PCDH15: variants seen among roughly 807,000 people sequenced by gnomAD.
The protein encoded by PCDH15 is protocadherin related 15, also known as protocadherin-15.
A neutral mutation model predicts 178.5 loss-of-function variants in PCDH15; 129 were observed. The observed-to-expected ratio is 0.72, with a 90% CI of 0.63 to 0.84. The LOEUF (loss-of-function observed/expected upper bound fraction) is 0.84, where lower values mean the gene tolerates loss of function less well. Among genes scored for constraint, PCDH15 ranks in the 40% least tolerant of loss-of-function variants. PCDH15 has a pLI of 0.00. For missense variants in PCDH15, 2,230 were observed against 2,099.9 expected, an observed-to-expected ratio of 1.06 and a Z score of -1.21; for synonymous variants, 800 against 732.0, an observed-to-expected ratio of 1.09 and a Z score of -1.50.
intron 3 of PCDH15, among the ~76,000 whole-genome samples, chr10:54,412,332 G>T (rs2135658970): frequency 6.6e-6 from 1 of 151,736 alleles, no homozygotes; most frequent in South Asian, 2.1e-4. Context: ...TTGTATGTTT[G>T]CTTGAATATT....
chr10:54,825,058 G>A (rs1305995236), intron 3 of PCDH15, among the ~76,000 whole-genome samples: 1 of 151,776 alleles, frequency 6.6e-6, no homozygotes, highest in Non-Finnish European at 1.5e-5. Context: ...TGTGTGTGAT[G>A]TTCCCCTTCC....
chr10:54,961,768 C>G (rs149402538), intron 2 of PCDH15, among the ~76,000 whole-genome samples: 60 of 151,898 alleles, frequency 4.0e-4, no homozygotes, highest in African/African-American at 1.2e-3. Flanking sequence ...TAATCACTTT[C>G]GGTCTCCTCT....
intron 2 of PCDH15, among the ~76,000 whole-genome samples, chr10:55,133,011 T>C (rs1172752844): frequency 1.3e-5 from 2 of 152,206 alleles, no homozygotes; most frequent in South Asian, 2.1e-4. Flanking sequence ...GTAAAATCTT[T>C]TGCCACTCTT....
At chr10:54,661,562 C>T (rs778630837) in intron 2 of PCDH15, among the ~76,000 whole-genome samples, 1 of 151,766 alleles carries the variant, frequency 6.6e-6, no homozygotes, top group East Asian at 1.9e-4. Context: ...TTCTAAAATA[C>T]ATATGGAACC....
chr10:54,826,392 T>C (rs1953132752), intron 3 of PCDH15, among the ~76,000 whole-genome samples: 1 of 151,904 alleles, frequency 6.6e-6, no homozygotes, highest in Admixed American at 6.6e-5. Flanking sequence ...AAATGGTAGA[T>C]GTGTGAGGAG....
intron 25 of PCDH15, among the ~76,000 whole-genome samples, chr10:53,937,098 C>T (rs2085645634): frequency 6.6e-6 from 1 of 152,122 alleles, no homozygotes; most frequent in Admixed American, 6.5e-5. Flanking sequence ...GAATTGGTTT[C>T]ACCTCTACAT....
chr10:54,448,326 G>T (rs528619343), intron 3 of PCDH15, among the ~76,000 whole-genome samples: 55 of 151,760 alleles, frequency 3.6e-4, no homozygotes, highest in Admixed American at 9.2e-4. Context: ...TCAGAGGAAG[G>T]AAGAGAAGAA....
chr10:55,485,540 CT>C (rs769901036), intron 2 of PCDH15, among the ~76,000 whole-genome samples: 16 of 151,734 alleles, frequency 1.1e-4, no homozygotes, highest in Admixed American at 4.6e-4. Context: ...GAAAGGAAAG[CT>C]CTTGGGAATG....
chr10:54,697,682 A>AAGGGGAAGG lies in PCDH15; in HGVS notation c.-28-33393_-28-33392insCCTTCCCCT, dbSNP rs1467281737. 1.9e-4 allele frequency among the ~76,000 whole-genome samples: 17 copies of AAGGGGAAGG among 87,958 alleles called. 1 individual carries two copies. The highest frequency in any genetic ancestry group is 8.8e-4 in the African/African-American group (17 of 19,270). 57.7% of individuals were successfully genotyped at this position (87,958 alleles called of 152,430 possible). On this transcript the variant is annotated intron_variant, in intron 1 of 37. Coordinates refer to ENST00000644397, the MANE Select transcript of PCDH15 (RefSeq NM_001384140.1). The stretch of plus-strand genomic sequence containing the variant: ...GAAGGGGAAGGGGGAAGGGGAAGGG[A>AAGGGGAAGG]GGAAGGGAGGAAGGGAGGAAGGGAG...
At chr10:55,147,036 A>T (rs1838534371) in intron 2 of PCDH15, among the ~76,000 whole-genome samples, 1 of 151,774 alleles carries the variant, frequency 6.6e-6, no homozygotes, top group Non-Finnish European at 1.5e-5. Context: ...TAAAACAAGA[A>T]CAATTACCAA....
rs368212815 is a variant in PCDH15 at position 54,852,855 on chromosome 10, AAAAATAAAAT to A, written c.-29+44585_-29+44594del. 2.0e-3 allele frequency among the ~76,000 whole-genome samples: 291 copies of A among 147,334 alleles called. 1 individual carries two copies. Among genetic ancestry groups the A allele is most frequent in the African/African-American group, 5.5e-3 (219 of 39,970 alleles). ...GCAACAGACTGAGACTCTGTCTCAA[AAAAATAAAAT>A]AAAATAAAATAAAATAAAATAAATT... is the stretch of plus-strand genomic sequence containing the variant. On this transcript the variant is annotated intron_variant, in intron 3 of 5. Transcript: ENST00000458638.
At chr10:54,429,303 T>C (rs183074679) in intron 3 of PCDH15, among the ~76,000 whole-genome samples, 1 of 152,218 alleles carries the variant, frequency 6.6e-6, no homozygotes, top group Admixed American at 6.5e-5. Flanking sequence ...TTGCAAGCAT[T>C]GTGGTAACCT....
chr10:54,901,605 A>AT (rs933220211), intron 2 of PCDH15, among the ~76,000 whole-genome samples: 5 of 152,064 alleles, frequency 3.3e-5, no homozygotes, highest in African/African-American at 1.2e-4. Flanking sequence ...AATAAATGTC[A>AT]TTTTTTTCTA....
intron 1 of PCDH15, among the ~76,000 whole-genome samples, chr10:55,254,304 G>A (rs957571335): frequency 1.3e-5 from 2 of 152,136 alleles, no homozygotes; most frequent in African/African-American, 4.8e-5. Context: ...GATTTTCTAT[G>A]TGGTTATGGT....
chr10:54,894,069 A>G (rs894017168), intron 3 of PCDH15, among the ~76,000 whole-genome samples: 1 of 152,146 alleles, frequency 6.6e-6, no homozygotes. Flanking sequence ...AAGCAGGTAC[A>G]TATGACATGA....
intron 2 of PCDH15, among the ~76,000 whole-genome samples, chr10:54,989,319 G>A (rs924641612): frequency 6.6e-6 from 1 of 152,186 alleles, no homozygotes; most frequent in Non-Finnish European, 1.5e-5. Context: ...TTATGGAGCT[G>A]TGAGAAGAGG....
chr10:55,489,525 C>A (rs1227820774), intron 2 of PCDH15, among the ~76,000 whole-genome samples: 1 of 151,654 alleles, frequency 6.6e-6, no homozygotes, highest in Non-Finnish European at 1.5e-5. Context: ...CCCACTGTTA[C>A]CCCATGAATA....
chr10:53,822,496 C>CAGAAGGAGAGATGT, intron 32 of PCDH15: 1 of 1,611,526 alleles, frequency 6.2e-7, no homozygotes, highest in African/African-American at 1.3e-5. Flanking sequence ...AGGGGACAGG[C>CAGAAGGAGAGATGT]AGAAGGAGAG....
chr10:54,904,108 T>G (rs1472926666), intron 2 of PCDH15, among the ~76,000 whole-genome samples: 1 of 152,072 alleles, frequency 6.6e-6, no homozygotes, highest in Non-Finnish European at 1.5e-5. Flanking sequence ...TGAAACAATA[T>G]CATGCTGTGA....
Sources: allele counts gnomAD v4.1 joint callset (sites outside exome capture counted in the v4.1 genomes callset), GRCh38; gene constraint gnomAD v4.1.1; transcripts MANE v1.5; gene names NCBI Gene and HGNC (gene_info 2026-07-23, HGNC 2026-07-21).